Variants in PRSS23 observed in about 807,000 individuals in gnomAD.
PRSS23 encodes protease, serine 23.
Under a neutral mutation model 34.7 loss-of-function variants are expected in PRSS23, and 25 were observed. That is an observed-to-expected ratio of 0.72 (90% CI 0.53 to 1.01). The LOEUF (loss-of-function observed/expected upper bound fraction) is 1.01. Among genes scored for constraint, PRSS23 ranks in the 50% least tolerant of loss-of-function variants. The probability of loss-of-function intolerance (pLI) is 0.00; values close to 1 mark genes in which losing one functional copy is unlikely to be tolerated. For synonymous variants in PRSS23, 176 were observed against 186.6 expected (o/e 0.94, Z 0.46); for missense variants, 445 against 475.6 (o/e 0.94, Z 0.60).
chr11:86,836,015 C>T (rs1344866449), intron 2 of PRSS23, among the ~76,000 whole-genome samples: 2 of 152,072 alleles, frequency 1.3e-5, no homozygotes, highest in Non-Finnish European at 2.9e-5. Flanking sequence ...GAAGGTTCTT[C>T]AAAGGCAAAC....
chr11:86,930,459 C>T (rs1375012733), intron 2 of PRSS23, among the ~76,000 whole-genome samples: 1 of 152,110 alleles, frequency 6.6e-6, no homozygotes, highest in Non-Finnish European at 1.5e-5. Flanking sequence ...TAAACTGAGA[C>T]TGGAAGAATA....
chr11:86,935,354 T>C (rs1590935031), intron 2 of PRSS23: 1 of 152,198 alleles, frequency 6.6e-6, no homozygotes, highest in Non-Finnish European at 1.5e-5. Context: ...AGGGTCTCAG[T>C]GTTTAATGCG....
intron 2 of PRSS23, among the ~76,000 whole-genome samples, chr11:86,854,924 T>C (rs1338698851): frequency 1.3e-5 from 2 of 152,174 alleles, no homozygotes; most frequent in African/African-American, 4.8e-5. Context: ...CCCAGCACTT[T>C]GAGAGGCCGA....
intron 2 of PRSS23, chr11:86,833,027 G>A (rs1590885001): frequency 6.7e-6 from 3 of 450,712 alleles, no homozygotes; most frequent in Non-Finnish European, 1.2e-5. Flanking sequence ...ACAAAACTAG[G>A]AAGCCACAGA....
rs1203022741 is a variant in PRSS23, at chr11:86,801,342, C to T, written c.-14+691C>T. On this transcript the variant is annotated intron_variant, in intron 1 of 1. Transcript: ENST00000280258. ...AAGTTTTAAAAGGAGCGGGAGAAGA[C>T]TTGTTCAGATGAAGGAACACCACCA... Among the ~76,000 whole-genome samples, 20 of 152,316 alleles carry T rather than the reference C, an allele frequency of 1.3e-4. No individual in the cohort carries two copies. In the East Asian group the frequency reaches 3.3e-3, roughly 25 times the overall value.
intron 2 of PRSS23, among the ~76,000 whole-genome samples, chr11:86,873,546 G>T (rs941793970): frequency 1.3e-5 from 2 of 151,934 alleles, no homozygotes; most frequent in African/African-American, 4.8e-5. Context: ...GCCTCCCAAA[G>T]TGTTGGGATT....
intron 2 of PRSS23, among the ~76,000 whole-genome samples, chr11:86,828,206 A>T (rs1205925735): frequency 1.3e-5 from 2 of 152,198 alleles, no homozygotes; most frequent in Non-Finnish European, 2.9e-5. Flanking sequence ...TATTTAGGAT[A>T]GTTAGCTCTT....
chr11:86,858,340 G>A (rs1219147277), intron 2 of PRSS23, among the ~76,000 whole-genome samples: 1 of 151,962 alleles, frequency 6.6e-6, no homozygotes. Context: ...ATCGCAAGGG[G>A]TTTACATCAC....
chr11:86,944,298 C>T (rs957910503), intron 2 of PRSS23, among the ~76,000 whole-genome samples: 6 of 151,708 alleles, frequency 4.0e-5, no homozygotes, highest in African/African-American at 7.3e-5. Flanking sequence ...TTAGAACCCA[C>T]CCTAATCTAG....
chr11:86,817,645 C>G (rs538853279), intron 1 of PRSS23, among the ~76,000 whole-genome samples: 8 of 152,266 alleles, frequency 5.3e-5, no homozygotes, highest in African/African-American at 1.9e-4. Context: ...AAAATCCATC[C>G]AAGAATCCTG....
chr11:86,911,767 TG>T (rs1948979560), intron 2 of PRSS23: 1 of 106,718 alleles, frequency 9.4e-6, no homozygotes, highest in Non-Finnish European at 2.0e-5. Context: ...GTGGAGTGTG[TG>T]TGTGTGTGTG....
rs377016931 is a variant in PRSS23, at chr11:86,811,135, A to T, written c.*2340A>T. 37 of 167,238 alleles carry T rather than the reference A, an allele frequency of 2.2e-4. No individual in the cohort carries two copies. Among genetic ancestry groups the T allele is most frequent in the East Asian group, 9.6e-4 (5 of 5,192 alleles). The allele number at this position is 167,238 out of a possible 1,614,324, so 10.4% of individuals were successfully genotyped here. The stretch of plus-strand genomic sequence containing the variant: ...TTCCCTCTCTTTATCAGAGGTTCAC[A>T]TGCCTGTCTGCACATTAAAAGCTCT... On this transcript the variant is annotated 3_prime_UTR_variant, in exon 2 of 2. Transcript: ENST00000280258.
At chr11:86,825,288 G>A (rs1226523817) in intron 2 of PRSS23, among the ~76,000 whole-genome samples, 1 of 152,058 alleles carries the variant, frequency 6.6e-6, no homozygotes, top group African/African-American at 2.4e-5. Flanking sequence ...CTTTTGAGAA[G>A]TGTCTGTTCA....
intron 2 of PRSS23, among the ~76,000 whole-genome samples, chr11:86,834,553 TTTTCCTTTCCTTTCC>T (rs71274421): frequency 0.037 from 2,986 of 80,574 alleles, 70 homozygotes; most frequent in African/African-American, 0.051. Context: ...TTCCTTTCCT[TTTTCCTTTCCTTTCC>T]TTTCCTTTCC....
At chr11:86,945,790 TG>T (rs1483116461) in intron 2 of PRSS23, 1 of 152,660 alleles carries the variant, frequency 6.6e-6, no homozygotes, top group Non-Finnish European at 1.5e-5. Flanking sequence ...GACATACTTT[TG>T]TACATCCTTA....
intron 2 of PRSS23, among the ~76,000 whole-genome samples, chr11:86,893,942 G>T (rs1948858133): frequency 6.6e-6 from 1 of 152,148 alleles, no homozygotes; most frequent in South Asian, 2.1e-4. Context: ...TTTCCAAGGG[G>T]CAGAAATAGA....
chr11:86,860,684 T>C (rs1420839959), intron 2 of PRSS23, among the ~76,000 whole-genome samples: 1 of 151,844 alleles, frequency 6.6e-6, no homozygotes, highest in East Asian at 1.9e-4. Context: ...TGTGTTATAG[T>C]TTCTTATATT....
intron 2 of PRSS23, chr11:86,896,406 C>T (rs1565380074): frequency 1.3e-5 from 2 of 151,748 alleles, no homozygotes; most frequent in Admixed American, 6.6e-5. Context: ...CAAGGACTCC[C>T]ATTTACCTTA....
At chr11:86,848,982 C>T (rs1948509059) in intron 2 of PRSS23, among the ~76,000 whole-genome samples, 1 of 152,184 alleles carries the variant, frequency 6.6e-6, no homozygotes, top group Non-Finnish European at 1.5e-5. Context: ...TATGCCAAGG[C>T]AATCACTGGA....
Sources: gnomAD v4.1 joint callset for allele counts (sites outside exome capture counted in the v4.1 genomes callset) on GRCh38, gnomAD v4.1.1 for gene constraint, MANE v1.5 for transcripts, NCBI Gene and HGNC (gene_info 2026-07-23, HGNC 2026-07-21) for gene names.